Variants in UBAP1 observed in about 807,000 individuals in gnomAD.
UBAP1 encodes ubiquitin-associated protein 1.
Under a neutral mutation model 39.0 loss-of-function variants are expected in UBAP1, and 5 were observed. The observed-to-expected ratio is 0.13, with a 90% CI of 0.07 to 0.27. UBAP1 has a LOEUF of 0.27. UBAP1 is among the 10% of genes least tolerant of loss of function. The pLI is 1.00. For missense variants in UBAP1, 490 were observed against 608.1 expected (o/e 0.81, Z 2.04); for synonymous variants, 211 against 225.1 (o/e 0.94, Z 0.56).
chr9:34,250,672 C>T lies in UBAP1; in HGVS notation c.1281C>T (p.Leu427=). Residue 427 remains leucine (L), a synonymous_variant, in exon 6 of 7, where the codon CTC becomes CTT. Transcript: ENST00000297661. ...TCTTTTCTTAGATTCTCGACTATCTCTTTGCACATGGACAGCTTTGTGAGA... is the reference window on the plus strand; with the variant it reads ...TCTTTTCTTAGATTCTCGACTATCTTTTTGCACATGGACAGCTTTGTGAGA... ...GENIEQILDY[L]FAHGQLCEKG... The T allele has an allele frequency of 6.2e-7, 1 of 1,613,282 alleles. No homozygotes were observed. The highest frequency in any genetic ancestry group is 8.5e-7 in the Non-Finnish European group (1 of 1,179,454).
At chr9:34,237,355 A>T (rs1308294764) in intron 3 of UBAP1, among the ~76,000 whole-genome samples, 3 of 152,264 alleles carry the variant, frequency 2.0e-5, no homozygotes, top group South Asian at 2.1e-4. Context: ...GAAGATTTTT[A>T]AAAATGCAGC....
intron 1 of UBAP1, among the ~76,000 whole-genome samples, chr9:34,204,013 C>CT (rs980225964): frequency 7.2e-5 from 11 of 152,156 alleles, no homozygotes; most frequent in African/African-American, 1.9e-4. Context: ...AGTATGATAA[C>CT]TTTTTTTTGT....
At chr9:34,212,430 T>C (rs10972001) in intron 1 of UBAP1, among the ~76,000 whole-genome samples, 48,947 of 121,450 alleles carry the variant, frequency 0.4, 9,751 homozygotes, top group Non-Finnish European at 0.53. Context: ...CACACACTTA[T>C]AGTTATTTTC....
At chr9:34,191,037 A>G (rs1397922370) in intron 1 of UBAP1, among the ~76,000 whole-genome samples, 1 of 151,878 alleles carries the variant, frequency 6.6e-6, no homozygotes, top group East Asian at 1.9e-4. Flanking sequence ...TAGTATAAGA[A>G]ATTATGTTTA....
At chr9:34,242,194 C>A in intron 4 of UBAP1, 86 bp downstream of exon 4, 1 of 1,380,878 alleles carries the variant, frequency 7.2e-7, no homozygotes, top group Non-Finnish European at 9.9e-7. Context: ...TGATTTTTTT[C>A]GAGACAGGGT....
At chr9:34,236,021 C>T (rs1489279517) in intron 3 of UBAP1, among the ~76,000 whole-genome samples, 4 of 151,782 alleles carry the variant, frequency 2.6e-5, no homozygotes, top group South Asian at 2.1e-4. Context: ...CTACCATGCC[C>T]GGCTAATTTT....
intron 4 of UBAP1, among the ~76,000 whole-genome samples, chr9:34,243,551 T>C (rs1834065896): frequency 1.3e-5 from 2 of 151,926 alleles, no homozygotes; most frequent in Non-Finnish European, 2.9e-5. Context: ...AGTGGTGTGA[T>C]CTCTGCTCAC....
intron 1 of UBAP1, among the ~76,000 whole-genome samples, chr9:34,216,141 CCT>C (rs1166461732): frequency 7.4e-6 from 1 of 135,848 alleles, no homozygotes; most frequent in Non-Finnish European, 1.6e-5. Context: ...TCTTTCTGGC[CCT>C]CTCCTCTGGA....
chr9:34,206,796 G>A (rs894735797), intron 1 of UBAP1, among the ~76,000 whole-genome samples: 2 of 151,796 alleles, frequency 1.3e-5, no homozygotes, highest in East Asian at 1.9e-4. Flanking sequence ...AGCAAGCATC[G>A]GATTCTGCTT....
At chr9:34,229,572 T>C (rs1239523973) in intron 2 of UBAP1, among the ~76,000 whole-genome samples, 1 of 150,150 alleles carries the variant, frequency 6.7e-6, no homozygotes, top group Non-Finnish European at 1.5e-5. Flanking sequence ...GGAGTCTTGC[T>C]CTGTCACTAG....
intron 1 of UBAP1, among the ~76,000 whole-genome samples, chr9:34,215,587 A>G (rs1240638043): frequency 6.6e-6 from 1 of 151,962 alleles, no homozygotes; most frequent in Non-Finnish European, 1.5e-5. Context: ...TGCAGCGTAT[A>G]CTGCTCGGGT....
chr9:34,252,468 G>GCTAA lies in UBAP1; in HGVS notation c.*944_*947dup, dbSNP rs10565742. The GCTAA allele has an allele frequency of 2.6e-5, 4 of 151,620 alleles. No individual in the cohort carries two copies. The highest frequency in any genetic ancestry group is 6.6e-5 in the Admixed American group (1 of 15,208). The allele number at this position is 151,620 out of a possible 1,614,324, so 9.4% of individuals were successfully genotyped here. ...TACAGTCTTGAATCTAAAATAATTTGCTAACTAACTATTTTGATTCTTCAG... is the reference window on the plus strand; with the variant it reads ...TACAGTCTTGAATCTAAAATAATTTGCTAACTAACTAACTATTTTGATTCTTCAG... On this transcript the variant is annotated 3_prime_UTR_variant, in exon 7 of 7. Transcript: ENST00000297661.
At chr9:34,221,421 C>T (rs1297177993) in intron 2 of UBAP1, among the ~76,000 whole-genome samples, 3 of 150,978 alleles carry the variant, frequency 2.0e-5, no homozygotes, top group Non-Finnish European at 2.9e-5. Context: ...CCTAGCTACT[C>T]GGGAGGCTGA....
At chr9:34,184,325 T>C (rs2131490438) in intron 1 of UBAP1, among the ~76,000 whole-genome samples, 1 of 148,924 alleles carries the variant, frequency 6.7e-6, no homozygotes, top group African/African-American at 2.5e-5. Context: ...TTTCTTTCCT[T>C]TTTTTTTTAG....
At chr9:34,212,392 A>AACACACACACACAC (rs35251034) in intron 1 of UBAP1, among the ~76,000 whole-genome samples, 9,197 of 142,108 alleles carry the variant, frequency 0.065, 410 homozygotes, top group South Asian at 0.12. Context: ...TTTCTATTAA[A>AACACACACACACAC]ACACACACAC....
intron 1 of UBAP1, among the ~76,000 whole-genome samples, chr9:34,198,733 C>T (rs1202791977): frequency 6.6e-6 from 1 of 152,178 alleles, no homozygotes; most frequent in Non-Finnish European, 1.5e-5. Context: ...GCAAGACAGA[C>T]ATGGATCTCC....
chr9:34,250,639 C>G lies in UBAP1; in HGVS notation c.1267-19C>G. 1 of 1,603,934 alleles carries G rather than the reference C, an allele frequency of 6.2e-7. No individual in the cohort carries two copies. On this transcript the variant is annotated intron_variant, in intron 5 of 6. Transcript: ENST00000297661. ...CAAAGAGCAGCAGTAGGTGCTAAAC[C>G]CCTTGTTTCTTTTCTTAGATTCTCG...
chr9:34,246,917 T>C (rs1388210867), intron 4 of UBAP1, among the ~76,000 whole-genome samples: 1 of 152,252 alleles, frequency 6.6e-6, no homozygotes, highest in Non-Finnish European at 1.5e-5. Context: ...TTCTACTTGG[T>C]TACAAATATG....
chr9:34,228,796 G>C (rs1833252846), intron 2 of UBAP1, among the ~76,000 whole-genome samples: 1 of 150,930 alleles, frequency 6.6e-6, no homozygotes, highest in Non-Finnish European at 1.5e-5. Flanking sequence ...GGCCAGGCTG[G>C]TCTTGAAATC....
Sources: gnomAD v4.1 joint callset for allele counts (sites outside exome capture counted in the v4.1 genomes callset) on GRCh38, gnomAD v4.1.1 for gene constraint, MANE v1.5 for transcripts, NCBI Gene and HGNC (gene_info 2026-07-23, HGNC 2026-07-21) for gene names.